CATSPERZ: variants seen among roughly 807,000 people sequenced by gnomAD.
CATSPERZ encodes cation channel sperm-associated auxiliary subunit zeta.
Under a neutral mutation model 21.7 loss-of-function variants are expected in CATSPERZ, and 21 were observed. The observed-to-expected ratio is 0.97, with a 90% CI of 0.69 to 1.39. The LOEUF is 1.39. Among genes scored for constraint, CATSPERZ ranks in the 40% most tolerant of loss-of-function variants. The probability of loss-of-function intolerance (pLI) is 0.00; values close to 1 mark genes in which losing one functional copy is unlikely to be tolerated. For synonymous variants in CATSPERZ, 127 were observed against 108.7 expected, an observed-to-expected ratio of 1.17 and a Z score of -1.05; for missense variants, 234 against 259.5, an observed-to-expected ratio of 0.90 and a Z score of 0.68.
At position 64,303,546 on chromosome 11, in the gene CATSPERZ, A is replaced by G; in HGVS notation, c.417A>G (p.Ala139=). 1 of 1,613,314 alleles carries G rather than the reference A, an allele frequency of 6.2e-7. No homozygotes were observed. The highest frequency in any genetic ancestry group is 1.1e-5 in the South Asian group (1 of 90,956). Residue 139 remains alanine (A), a synonymous_variant, in exon 3 of 5, where the codon GCA becomes GCG. Coordinates refer to ENST00000328404, the MANE Select transcript of CATSPERZ (RefSeq NM_001039496.2). ...ACATGCCCCATCGAGCCTACTGGGC[A>G]GAGCAGCAGAGCAGGGTTGGAGGGG... ...AKHMPHRAYW[A]EQQSRLPLPL... is the part of the protein sequence containing the mutation.
chr11:64,303,401 A>T, intron 2 of CATSPERZ, 81 bp from the exon 3 acceptor site: 1 of 1,179,206 alleles, frequency 8.5e-7, no homozygotes, highest in Non-Finnish European at 1.2e-6. Context: ...ATTCCCTCTC[A>T]CAAGGTGCCT....
At chr11:64,303,632 T>A in intron 3 of CATSPERZ, 71 bp downstream of exon 3, 3 of 1,482,426 alleles carry the variant, frequency 2.0e-6, no homozygotes, top group Non-Finnish European at 1.8e-6. Context: ...TGATAGGATA[T>A]GAAAGTTGGG....
intron 1 of CATSPERZ, 103 bp from the exon 2 acceptor site, chr11:64,300,554 C>G: frequency 1.3e-6 from 2 of 1,513,096 alleles, no homozygotes. Context: ...ACCCCACGTT[C>G]TACGGGATCC....
intron 2 of CATSPERZ, among the ~76,000 whole-genome samples, chr11:64,301,401 CT>C (rs139500689): frequency 0.073 from 7,197 of 99,202 alleles, 294 homozygotes; most frequent in African/African-American, 0.25. Context: ...CCGCCTCCCA[CT>C]TTTTTTTTTT....
At chr11:64,300,576 C>T (rs2034905286) in intron 1 of CATSPERZ, 81 bp from the exon 2 acceptor site, 1 of 1,519,410 alleles carries the variant, frequency 6.6e-7, no homozygotes. Flanking sequence ...CAACCCGGCC[C>T]GGCTCAGTTC....
At chr11:64,301,128 T>G (rs1282345928) in intron 2 of CATSPERZ, 141 bp downstream of exon 2, 2 of 888,318 alleles carry the variant, frequency 2.3e-6, no homozygotes, top group Non-Finnish European at 3.3e-6. Flanking sequence ...CGCGCCAATC[T>G]TTCGCCCTTT....
chr11:64,302,666 C>T (rs605827), intron 2 of CATSPERZ, among the ~76,000 whole-genome samples: 130,221 of 152,128 alleles, frequency 0.86, 58,782 homozygotes, highest in Non-Finnish European at 1. Flanking sequence ...TCCGCCTCCC[C>T]GGTTCAAGCA....
intron 2 of CATSPERZ, among the ~76,000 whole-genome samples, chr11:64,303,025 G>C (rs905339829): frequency 1.3e-5 from 2 of 151,326 alleles, no homozygotes; most frequent in Non-Finnish European, 2.9e-5. Flanking sequence ...TCAGCCTCCC[G>C]AGTAGCTGGG....
chr11:64,302,796 C>T (rs1423263471), intron 2 of CATSPERZ, among the ~76,000 whole-genome samples: 2 of 151,724 alleles, frequency 1.3e-5, no homozygotes, highest in African/African-American at 4.8e-5. Context: ...TGGTCTTGAA[C>T]TCCTGATCTT....
At chr11:64,301,070 G>A in intron 2 of CATSPERZ, 83 bp downstream of exon 2, 1 of 1,288,344 alleles carries the variant, frequency 7.8e-7, no homozygotes, top group Non-Finnish European at 1.1e-6. Flanking sequence ...GTAAAATGGG[G>A]GGAAGCTGAT....
chr11:64,302,346 T>A (rs767555308), intron 2 of CATSPERZ, among the ~76,000 whole-genome samples: 5 of 152,208 alleles, frequency 3.3e-5, no homozygotes, highest in Non-Finnish European at 4.4e-5. Context: ...AGTGGTGCCA[T>A]CTCGGCTCAC....
At chr11:64,302,957 A>G (rs2034951196) in intron 2 of CATSPERZ, among the ~76,000 whole-genome samples, 1 of 121,648 alleles carries the variant, frequency 8.2e-6, no homozygotes, top group South Asian at 2.7e-4. Flanking sequence ...TGGAGTGCAG[A>G]TGTACGATCT....
intron 2 of CATSPERZ, among the ~76,000 whole-genome samples, chr11:64,301,948 A>C (rs2034934045): frequency 6.6e-6 from 1 of 152,184 alleles, no homozygotes; most frequent in Non-Finnish European, 1.5e-5. Context: ...TGGGATTACA[A>C]GTGTGAGCCA....
rs1231743546 is a variant in CATSPERZ, at chr11:64,303,462, C to A, written c.353-20C>A. 6.2e-7 allele frequency: 1 copy of A among 1,605,204 alleles called. No individual in the cohort carries two copies. Among genetic ancestry groups the A allele is most frequent in the Admixed American group, 1.7e-5 (1 of 59,128 alleles). On this transcript the variant is annotated intron_variant, in intron 2 of 4. Coordinates refer to ENST00000328404, the MANE Select transcript of CATSPERZ (RefSeq NM_001039496.2). ...GCCCAGGAGTCTGCGGATGACTAAC[C>A]CTTTTTTCTCTTCTCCCAGAAAAGT...
At chr11:64,303,394 C>A in intron 2 of CATSPERZ, 88 bp from the exon 3 acceptor site, 1 of 1,070,174 alleles carries the variant, frequency 9.3e-7, no homozygotes, top group Admixed American at 2.2e-5. Context: ...GAAGGCCATT[C>A]CCTCTCACAA....
intron 2 of CATSPERZ, among the ~76,000 whole-genome samples, chr11:64,301,916 C>G (rs1039398122): frequency 1.3e-5 from 2 of 152,226 alleles, no homozygotes; most frequent in African/African-American, 4.8e-5. Flanking sequence ...AGTGATCCTC[C>G]TGCTTCGGCT....
chr11:64,301,108 G>GAC, intron 2 of CATSPERZ, 121 bp downstream of exon 2: 1 of 997,942 alleles, frequency 1.0e-6, no homozygotes, highest in Non-Finnish European at 1.4e-6. Context: ...GATTCTCTGG[G>GAC]AGAGGCGCCC....
In CATSPERZ at chr11:64,300,896, C is replaced by G; in HGVS notation, c.261C>G (p.Asp87Glu). 1.3e-6 allele frequency: 2 copies of G among 1,575,262 alleles called. No individual in the cohort carries two copies. Among genetic ancestry groups the G allele is most frequent in the Non-Finnish European group, 1.7e-6 (2 of 1,161,518 alleles). ...YKASHKPEEL[D>E]EHALVELELH... ...CCAGCCACAAGCCGGAGGAACTGGACGAGCACGCGCTGGTGGAGCTGGAGT... is the reference window on the plus strand; with the variant it reads ...CCAGCCACAAGCCGGAGGAACTGGAGGAGCACGCGCTGGTGGAGCTGGAGT... The change falls in exon 2 of 5, where the codon GAC (aspartate) becomes GAG (glutamate). Residue 87 changes from aspartate to glutamate, a missense_variant. Coordinates refer to ENST00000328404, the MANE Select transcript of CATSPERZ (RefSeq NM_001039496.2).
rs1208821175 is a variant in CATSPERZ at position 64,300,956 on chromosome 11, G to A, written c.321G>A (p.Gly107=). The A allele has an allele frequency of 2.5e-6, 4 of 1,574,164 alleles. No homozygotes were observed. Among genetic ancestry groups the A allele is most frequent in the Non-Finnish European group, 3.4e-6 (4 of 1,160,492 alleles). The change falls in exon 2 of 5, where the codon GGG becomes GGA. Residue 107 remains glycine (G), a synonymous_variant. Coordinates refer to ENST00000328404, the MANE Select transcript of CATSPERZ (RefSeq NM_001039496.2). ...HRGSSMEINL[G]EKDTASQIEA... is the part of the protein sequence containing the mutation. ...GCAGCTCCATGGAAATCAATCTGGG[G>A]GAGAAGGACACTGCATCCCAGATCG...
Sources: allele counts gnomAD v4.1 joint callset (sites outside exome capture counted in the v4.1 genomes callset), GRCh38; gene constraint gnomAD v4.1.1; transcripts MANE v1.5; gene names NCBI Gene and HGNC (gene_info 2026-07-23, HGNC 2026-07-21).